The following TAFA1 variants were observed in gnomAD, a reference collection of about 807,000 sequenced individuals.
TAFA1 encodes TAFA chemokine like family member 1.
TAFA1 carries 4 observed loss-of-function variants against 18.5 expected under a neutral mutation model. The ratio of observed to expected loss-of-function variants is 0.22; its 90% CI spans 0.11 to 0.49. The LOEUF (loss-of-function observed/expected upper bound fraction) is 0.49. TAFA1 is among the 20% of genes least tolerant of loss of function. The pLI, the probability that TAFA1 is intolerant of heterozygous loss-of-function variation, is 0.98. For missense variants in TAFA1, 147 were observed against 169.0 expected, an observed-to-expected ratio of 0.87 and a Z score of 0.72; for synonymous variants, 56 against 55.2, an observed-to-expected ratio of 1.01 and a Z score of -0.06.
At chr3:68,059,791 G>A (rs1444199862) in intron 2 of TAFA1, among the ~76,000 whole-genome samples, 1 of 152,196 alleles carries the variant, frequency 6.6e-6, no homozygotes, top group African/African-American at 2.4e-5. Flanking sequence ...AAGTGTGCTT[G>A]TTTGATTTAC....
chr3:68,531,552 G>A (rs1022832296), intron 3 of TAFA1, among the ~76,000 whole-genome samples: 1 of 152,070 alleles, frequency 6.6e-6, no homozygotes, highest in Non-Finnish European at 1.5e-5. Context: ...TTGTGCTCAT[G>A]CTCATTTGAG....
At chr3:68,151,200 T>G (rs1374227599) in intron 2 of TAFA1, among the ~76,000 whole-genome samples, 1 of 152,200 alleles carries the variant, frequency 6.6e-6, no homozygotes, top group Non-Finnish European at 1.5e-5. Flanking sequence ...TTACACAAGC[T>G]GCAACATATT....
At chr3:68,541,754 A>G (rs2073379312) in intron 4 of TAFA1, among the ~76,000 whole-genome samples, 1 of 152,184 alleles carries the variant, frequency 6.6e-6, no homozygotes, top group Non-Finnish European at 1.5e-5. Context: ...CAATATAAAG[A>G]TAATCCAGGG....
In TAFA1 at chr3:68,034,252, G is replaced by A. The variant is rs528992578; in HGVS notation, c.118+27508G>A. On this transcript the variant is annotated intron_variant, in intron 2 of 4. Coordinates refer to ENST00000478136, the MANE Select transcript of TAFA1 (RefSeq NM_213609.4). ...GGAATGCTTCCTTTACTTGCTATAG[G>A]ATGCTGTTAACTATGATGATAATGA... 4.6e-5 allele frequency among the ~76,000 whole-genome samples: 7 copies of A among 152,280 alleles called. No individual in the cohort carries two copies. In the South Asian group the frequency reaches 1.0e-3, roughly 23 times the overall value.
At chr3:68,218,160 A>C (rs1033176362) in intron 2 of TAFA1, among the ~76,000 whole-genome samples, 1 of 152,064 alleles carries the variant, frequency 6.6e-6, no homozygotes. Flanking sequence ...CCAGCCTCTC[A>C]GGTCACAGTT....
chr3:68,450,571 C>T (rs1442103285), intron 3 of TAFA1, among the ~76,000 whole-genome samples: 1 of 152,154 alleles, frequency 6.6e-6, no homozygotes, highest in Non-Finnish European at 1.5e-5. Context: ...TAAAAGGACC[C>T]TCCAAACACC....
At chr3:68,413,856 G>A (rs1323037211) in intron 2 of TAFA1, among the ~76,000 whole-genome samples, 5 of 152,062 alleles carry the variant, frequency 3.3e-5, no homozygotes, top group Non-Finnish European at 7.4e-5. Flanking sequence ...AGTGACATTT[G>A]AGCAATGATG....
intron 2 of TAFA1, among the ~76,000 whole-genome samples, chr3:68,227,832 T>A (rs947631657): frequency 3.9e-5 from 6 of 152,194 alleles, no homozygotes; most frequent in Admixed American, 3.3e-4. Flanking sequence ...TTTATTAAAA[T>A]GATTTTTTTC....
At chr3:68,211,195 T>TTC (rs1559560070) in intron 2 of TAFA1, among the ~76,000 whole-genome samples, 1 of 152,026 alleles carries the variant, frequency 6.6e-6, no homozygotes, top group African/African-American at 2.4e-5. Context: ...GCAGGTTAGT[T>TTC]TCATTCAGTG....
intron 2 of TAFA1, among the ~76,000 whole-genome samples, chr3:68,389,802 T>G (rs534446041): frequency 7.2e-5 from 11 of 152,268 alleles, no homozygotes; most frequent in Admixed American, 3.9e-4. Context: ...AATGAGGGAC[T>G]GTGCTGTGCG....
intron 2 of TAFA1, among the ~76,000 whole-genome samples, chr3:68,415,528 C>A (rs920131596): frequency 1.3e-5 from 2 of 151,994 alleles, no homozygotes; most frequent in African/African-American, 4.8e-5. Flanking sequence ...GTGAGTATTC[C>A]AGAAGAAACC....
At chr3:68,306,070 C>T (rs1417943284) in intron 2 of TAFA1, among the ~76,000 whole-genome samples, 1 of 152,170 alleles carries the variant, frequency 6.6e-6, no homozygotes, top group Non-Finnish European at 1.5e-5. Context: ...AAAACCGTGA[C>T]TTCATGCAAG....
At chr3:68,283,648 A>C (rs1464999892) in intron 2 of TAFA1, among the ~76,000 whole-genome samples, 1 of 152,146 alleles carries the variant, frequency 6.6e-6, no homozygotes, top group African/African-American at 2.4e-5. Flanking sequence ...TTAGATTCAA[A>C]ATTATATCTA....
At chr3:68,173,909 A>AAT (rs1553648385) in intron 2 of TAFA1, among the ~76,000 whole-genome samples, 22 of 151,800 alleles carry the variant, frequency 1.4e-4, no homozygotes, top group South Asian at 8.3e-4. Flanking sequence ...TAATTAAAAA[A>AAT]ATATATATTT....
chr3:68,145,042 C>A (rs2065719984), intron 2 of TAFA1: 2 of 1,607,456 alleles, frequency 1.2e-6, no homozygotes, highest in Non-Finnish European at 1.7e-6. Context: ...CCTTTAGTTT[C>A]AAAAAGTTGC....
At chr3:68,506,448 G>A (rs1020549435) in intron 3 of TAFA1, among the ~76,000 whole-genome samples, 3 of 143,898 alleles carry the variant, frequency 2.1e-5, no homozygotes, top group Non-Finnish European at 3.1e-5. Flanking sequence ...TCACCTTAGG[G>A]TGTGTTCAAC....
chr3:68,272,286 C>T (rs556996476), intron 2 of TAFA1, among the ~76,000 whole-genome samples: 1 of 152,326 alleles, frequency 6.6e-6, no homozygotes, highest in East Asian at 1.9e-4. Context: ...CATCTGCCCT[C>T]AGCTTGTTCT....
chr3:68,067,348 TTTCTCACAA>T (rs1409663081), intron 2 of TAFA1, among the ~76,000 whole-genome samples: 47 of 152,320 alleles, frequency 3.1e-4, no homozygotes, highest in Non-Finnish European at 6.2e-4. Context: ...ATATTCATAG[TTTCTCACAA>T]GCTTTTCTGT....
intron 2 of TAFA1, among the ~76,000 whole-genome samples, chr3:68,032,106 G>C (rs1197145476): frequency 1.3e-5 from 2 of 151,600 alleles, no homozygotes; most frequent in Non-Finnish European, 2.9e-5. Flanking sequence ...GTTTTTTTCA[G>C]ACCATTTTGG....
Sources: allele counts gnomAD v4.1 joint callset (sites outside exome capture counted in the v4.1 genomes callset), GRCh38; gene constraint gnomAD v4.1.1; transcripts MANE v1.5; gene names NCBI Gene and HGNC (gene_info 2026-07-23, HGNC 2026-07-21).